Variants in GTF3A observed in about 807,000 individuals in gnomAD.
The protein encoded by GTF3A is general transcription factor IIIA.
Under a neutral mutation model 37.6 loss-of-function variants are expected in GTF3A, and 40 were observed. The observed-to-expected ratio is 1.06, with a 90% CI of 0.83 to 1.38. The LOEUF is 1.38. Among genes scored for constraint, GTF3A ranks in the 40% most tolerant of loss-of-function variants. GTF3A has a pLI of 0.00. For missense variants in GTF3A, 500 were observed against 462.6 expected (o/e 1.08, Z -0.74); for synonymous variants, 191 against 166.7 (o/e 1.15, Z -1.12).
intron 5 of GTF3A, 21 bp from the exon 6 acceptor site, chr13:27,434,118 A>G (rs780094031): frequency 2.2e-6 from 2 of 929,248 alleles, no homozygotes; most frequent in Non-Finnish European, 3.6e-6. Context: ...ATGACAGACA[A>G]TGCACCAATT....
At chr13:27,428,195 C>T (rs1397748835) in intron 2 of GTF3A, among the ~76,000 whole-genome samples, 1 of 152,174 alleles carries the variant, frequency 6.6e-6, no homozygotes, top group Non-Finnish European at 1.5e-5. Context: ...CTCTCATGTT[C>T]TTGTCTGGAG....
intron 5 of GTF3A, 46 bp downstream of exon 5, chr13:27,432,850 C>G (rs2138027290): frequency 1.4e-6 from 2 of 1,478,888 alleles, no homozygotes. Context: ...ATGCCAAATC[C>G]TGGGCGCCTT....
At chr13:27,426,304 C>T (rs1165260879) in intron 1 of GTF3A, 1 of 152,314 alleles carries the variant, frequency 6.6e-6, no homozygotes, top group Non-Finnish European at 1.5e-5. Flanking sequence ...TACTCCACGC[C>T]TGCCGCTGTG....
At chr13:27,433,541 T>TTG (rs1953678735) in intron 5 of GTF3A, among the ~76,000 whole-genome samples, 4 of 140,306 alleles carry the variant, frequency 2.9e-5, no homozygotes, top group African/African-American at 7.9e-5. Flanking sequence ...AAAAAACTTT[T>TTG]TTTTTTTTTT....
chr13:27,424,713 C>A lies in GTF3A; in HGVS notation c.-25C>A, dbSNP rs1418249767. The stretch of plus-strand genomic sequence containing the variant: ...TCTCGGCACGTGGCAGCGCGCCTGG[C>A]CCTGGGCTTGGAGGCGCCGGCGCCC... On this transcript the variant is annotated 5_prime_UTR_variant, in exon 1 of 9. Transcript: ENST00000381140. The A allele has an allele frequency of 1.4e-5, 20 of 1,405,556 alleles. No homozygotes were observed. Among genetic ancestry groups the A allele is most frequent in the Non-Finnish European group, 1.8e-5 (20 of 1,083,730 alleles). The allele number at this position is 1,405,556 out of a possible 1,614,324, so 87.1% of individuals were successfully genotyped here.
At chr13:27,431,422 G>A (rs925085901) in intron 4 of GTF3A, among the ~76,000 whole-genome samples, 7 of 152,260 alleles carry the variant, frequency 4.6e-5, no homozygotes, top group African/African-American at 1.7e-4. Flanking sequence ...TAAAGAAAAC[G>A]TGATGTATAT....
intron 4 of GTF3A, among the ~76,000 whole-genome samples, chr13:27,430,942 T>G (rs568566898): frequency 1.3e-5 from 2 of 152,340 alleles, no homozygotes; most frequent in African/African-American, 4.8e-5. Context: ...TCCCATTTAT[T>G]TATTTCTATT....
Position 27,435,665 on chromosome 13 carries a change from T to C in GTF3A, c.*68T>C. On this transcript the variant is annotated 3_prime_UTR_variant, in exon 9 of 9. Coordinates refer to ENST00000381140, the MANE Select transcript of GTF3A (RefSeq NM_002097.3). ...AGCTTTCTCTCAGAGCATGCTTTTCTTTATTAAAATTACTGATGCAGAACA... is the reference window on the plus strand; with the variant it reads ...AGCTTTCTCTCAGAGCATGCTTTTCCTTATTAAAATTACTGATGCAGAACA... The C allele has an allele frequency of 6.2e-7, 1 of 1,613,210 alleles. No homozygotes were observed. Among genetic ancestry groups the C allele is most frequent in the African/African-American group, 1.3e-5 (1 of 74,936 alleles).
At chr13:27,430,052 G>A in intron 3 of GTF3A, 86 bp downstream of exon 3, 1 of 660,900 alleles carries the variant, frequency 1.5e-6, no homozygotes, top group Non-Finnish European at 2.5e-6. Context: ...AGGTGCGGTG[G>A]CTCAAGCCTA....
Position 27,429,862 on chromosome 13 carries a change from T to A in GTF3A, c.303-8T>A, listed in dbSNP as rs1180767774. 6.7e-7 allele frequency: 1 copy of A among 1,492,690 alleles called. No individual in the cohort carries two copies. Among genetic ancestry groups the A allele is most frequent in the Non-Finnish European group, 9.0e-7 (1 of 1,115,928 alleles). 92.5% of individuals were successfully genotyped at this position (1,492,690 alleles called of 1,614,324 possible). A position where few individuals can be genotyped will look rare whatever the true frequency, so the allele number is the denominator to read the frequency against. ...TATTAATATTTTGGTTTATATAACT[T>A]CTTACAGTTGTGCAGCCAATGGCTG... On this transcript the variant is annotated splice_region_variant and splice_polypyrimidine_tract_variant and intron_variant, in intron 2 of 8. Transcript: ENST00000381140.
In GTF3A at chr13:27,435,229, G is replaced by A. The variant is rs773963403; in HGVS notation, c.933+37G>A. On this transcript the variant is annotated intron_variant, in intron 8 of 8. Coordinates refer to ENST00000381140, the MANE Select transcript of GTF3A (RefSeq NM_002097.3). ...CTACTTAGGCAAGCTTAGTTTTCAAGTGGAAATTGTTTAAGGCCAGAAGGA... is the reference window on the plus strand; with the variant it reads ...CTACTTAGGCAAGCTTAGTTTTCAAATGGAAATTGTTTAAGGCCAGAAGGA... The A allele has an allele frequency of 3.2e-6, 5 of 1,539,770 alleles. No individual in the cohort carries two copies. The South Asian group carries it at 5.9e-5, about 18-fold the overall frequency.
rs376896095 is a variant in GTF3A at position 27,435,631 on chromosome 13, C to G, written c.*34C>G. On this transcript the variant is annotated 3_prime_UTR_variant, in exon 9 of 9. Coordinates refer to ENST00000381140, the MANE Select transcript of GTF3A (RefSeq NM_002097.3). The stretch of plus-strand genomic sequence containing the variant: ...CTGCTTTGTTTAAAGGACTGCAGAC[C>G]AAGGAGCGAGCTTTCTCTCAGAGCA... 92 of 1,612,004 alleles carry G rather than the reference C, an allele frequency of 5.7e-5. No individual in the cohort carries two copies. The highest frequency in any genetic ancestry group is 7.1e-5 in the Non-Finnish European group (84 of 1,178,356).
Position 27,435,488 on chromosome 13 carries a change from C to G in GTF3A, c.989C>G (p.Pro330Arg). 1.2e-6 allele frequency: 2 copies of G among 1,613,282 alleles called. No homozygotes were observed. Among genetic ancestry groups the G allele is most frequent in the Non-Finnish European group, 1.7e-6 (2 of 1,179,486 alleles). ...GCCTCTCATCTCAGTGGATATATCC[C>G]TCCCAAAAGGAAACAAGGGCAAGGC... is the stretch of plus-strand genomic sequence containing the variant. Residue 330 changes from proline (P) to arginine (R), a missense_variant, in exon 9 of 9, where the codon CCT (proline) becomes CGT (arginine). Physicochemically the swap from Pro to Arg is moderately radical, Grantham distance 103. Coordinates refer to ENST00000381140, the MANE Select transcript of GTF3A (RefSeq NM_002097.3).
chr13:27,434,661 C>T (rs749932319), intron 6 of GTF3A, 144 bp from the exon 7 acceptor site: 20 of 591,084 alleles, frequency 3.4e-5, no homozygotes, highest in Non-Finnish European at 5.4e-5. Context: ...GTGATAAAAA[C>T]TGGGGTTGTT....
Position 27,429,954 on chromosome 13 carries a change from AAAAC to A in GTF3A, c.390_393del (p.Lys130AsnfsTer19), listed in dbSNP as rs778076660. 74 of 1,498,156 alleles carry A rather than the reference AAAAC, an allele frequency of 4.9e-5. No individual in the cohort carries two copies. Among genetic ancestry groups the A allele is most frequent in the Non-Finnish European group, 6.3e-5 (70 of 1,109,208 alleles). The allele number at this position is 1,498,156 out of a possible 1,614,324, so 92.8% of individuals were successfully genotyped here. A position where few individuals can be genotyped will look rare whatever the true frequency, so the allele number is the denominator to read the frequency against. On this transcript the variant is annotated frameshift_variant, in exon 3 of 9. Transcript: ENST00000381140. LOFTEE classifies it high-confidence loss of function. ...TTGAACGCAAACATGAAAATCAACA[AAAAC>A]AATATATAGTAAGTATGATTTTATA...
intron 3 of GTF3A, among the ~76,000 whole-genome samples, chr13:27,430,227 A>G (rs1953645189): frequency 6.6e-6 from 1 of 152,166 alleles, no homozygotes; most frequent in South Asian, 2.1e-4. Flanking sequence ...TCGTCAACCA[A>G]ATTTTGTCTG....
rs573170708 is a variant in GTF3A at position 27,433,027 on chromosome 13, A to G, written c.562+223A>G. On this transcript the variant is annotated intron_variant, in intron 5 of 8. Coordinates refer to ENST00000381140, the MANE Select transcript of GTF3A (RefSeq NM_002097.3). The stretch of plus-strand genomic sequence containing the variant: ...TGTAATGTGTTGTTTGTTCACAACA[A>G]GCGCCTGGTTACACATTACACTGAC... Among the ~76,000 whole-genome samples, 12 of 152,312 alleles carry G rather than the reference A, an allele frequency of 7.9e-5. No homozygotes were observed. In the East Asian group the frequency reaches 2.1e-3, roughly 27 times the overall value.
In GTF3A at chr13:27,434,203, G is replaced by A; in HGVS notation, c.627G>A (p.Val209=). The change falls in exon 6 of 9, where the codon GTG becomes GTA. Residue 209 remains valine, a synonymous_variant. Transcript: ENST00000381140. ...CATGGACGGAACTTCTGAAACATGT[G>A]AGAGAAACCCATAAAGGTAAGGCAG... 1 of 1,305,516 alleles carries A rather than the reference G, an allele frequency of 7.7e-7. No individual in the cohort carries two copies. The highest frequency in any genetic ancestry group is 1.1e-6 in the Non-Finnish European group (1 of 898,148). 80.9% of individuals were successfully genotyped at this position (1,305,516 alleles called of 1,614,324 possible).
intron 5 of GTF3A, among the ~76,000 whole-genome samples, chr13:27,433,543 T>TGTG (rs56157205): frequency 2.8e-5 from 4 of 143,396 alleles, no homozygotes; most frequent in Admixed American, 6.9e-5. Flanking sequence ...AAAACTTTTT[T>TGTG]TTTTTTTTTT....
Sources: allele counts gnomAD v4.1 joint callset (sites outside exome capture counted in the v4.1 genomes callset), GRCh38; gene constraint gnomAD v4.1.1; transcripts MANE v1.5; gene names NCBI Gene and HGNC (gene_info 2026-07-23, HGNC 2026-07-21).